Variants in TTLL3 observed in about 807,000 individuals in gnomAD.
TTLL3 encodes the protein tubulin tyrosine ligase like 3, also known as tubulin monoglycylase TTLL3.
Under a neutral mutation model 75.2 loss-of-function variants are expected in TTLL3, and 63 were observed. The ratio of observed to expected loss-of-function variants is 0.84; its 90% CI spans 0.68 to 1.03. The LOEUF (loss-of-function observed/expected upper bound fraction) is 1.03. TTLL3 is among the 50% of genes least tolerant of loss of function. The probability of loss-of-function intolerance (pLI) is 0.00; values close to 1 mark genes in which losing one functional copy is unlikely to be tolerated. For missense variants in TTLL3, 997 were observed against 1,069.9 expected, an observed-to-expected ratio of 0.93 and a Z score of 0.95; for synonymous variants, 393 against 418.5, an observed-to-expected ratio of 0.94 and a Z score of 0.74.
At position 9,829,041 on chromosome 3, in the gene TTLL3, C is replaced by T. The variant is rs1456999537; in HGVS notation, c.1329C>T (p.Asn443=). The T allele has an allele frequency of 1.2e-6, 2 of 1,614,152 alleles. No homozygotes were observed. Among genetic ancestry groups the T allele is most frequent in the African/African-American group, 2.7e-5 (2 of 74,954 alleles). ...CHRHPLLPPD[N]MWSSQRFQAH... Reference sequence around the variant, plus strand: ...GGCATCCACTGCTTCCGCCAGACAACATGTGGTCTAGCCAGAGGTTCCAGG... The same window carrying T: ...GGCATCCACTGCTTCCGCCAGACAATATGTGGTCTAGCCAGAGGTTCCAGG... Residue 443 remains asparagine, a synonymous_variant, in exon 11 of 14, where the codon AAC becomes AAT. Transcript: ENST00000685419.
chr3:9,823,488 TG>T (rs1363607106), intron 8 of TTLL3, among the ~76,000 whole-genome samples: 1 of 38,162 alleles, frequency 2.6e-5, no homozygotes, highest in African/African-American at 8.7e-5. Context: ...ATTAAAATAC[TG>T]TTTTTTTTTT....
At chr3:9,828,725 C>T (rs143066598) in intron 10 of TTLL3, 145 of 579,606 alleles carry the variant, frequency 2.5e-4, no homozygotes, top group Admixed American at 7.4e-4. Flanking sequence ...CTTACTACTG[C>T]GGCCCCCGTA....
chr3:9,824,571 C>T (rs984273192), intron 8 of TTLL3, among the ~76,000 whole-genome samples: 3 of 151,410 alleles, frequency 2.0e-5, no homozygotes, highest in African/African-American at 2.4e-5. Flanking sequence ...CCACCACACC[C>T]GGCTAATTTT....
chr3:9,822,256 A>C (rs1267016572), intron 8 of TTLL3, among the ~76,000 whole-genome samples: 2 of 150,394 alleles, frequency 1.3e-5, no homozygotes, highest in Non-Finnish European at 3.0e-5. Context: ...TTTAGTAGAG[A>C]TGGGGTTTCA....
At chr3:9,820,412 A>G (rs2080299886) in intron 7 of TTLL3, 134 bp from the exon 8 acceptor site, 1 of 1,524,254 alleles carries the variant, frequency 6.6e-7, no homozygotes, top group Non-Finnish European at 8.8e-7. Flanking sequence ...GACACATCCC[A>G]GGGCAGTAGG....
chr3:9,823,555 G>A (rs6780456), intron 8 of TTLL3, among the ~76,000 whole-genome samples: 88,422 of 151,224 alleles, frequency 0.58, 26,938 homozygotes, highest in Non-Finnish European at 0.66. Flanking sequence ...TTCAAATTAC[G>A]CTCCTGTGTG....
chr3:9,833,575 C>A (rs544392465), intron 12 of TTLL3, among the ~76,000 whole-genome samples: 1 of 152,294 alleles, frequency 6.6e-6, no homozygotes, highest in South Asian at 2.1e-4. Flanking sequence ...TGTTCCAAGG[C>A]GATTTATTCC....
At chr3:9,825,777 C>A in intron 8 of TTLL3, 23 bp from the exon 9 acceptor site, 1 of 1,614,006 alleles carries the variant, frequency 6.2e-7, no homozygotes, top group South Asian at 1.1e-5. Flanking sequence ...CAGCCCTGCC[C>A]AAGTTCTATC....
rs3806672 is a variant in TTLL3, at chr3:9,817,772, C to G, written c.559+13C>G. 0.45 allele frequency: 729,176 copies of G among 1,613,776 alleles called. 174,002 individuals carry two copies. The highest frequency in any genetic ancestry group is 0.5 in the Non-Finnish European group (585,477 of 1,179,834). ...AAAGCCTTCATAGGTAAGGAGACCC[C>G]CAGCCCTATGCCTGAACCTCAGGCT... is the stretch of plus-strand genomic sequence containing the variant. On this transcript the variant is annotated intron_variant, in intron 6 of 13. Coordinates refer to ENST00000685419, the MANE Select transcript of TTLL3 (RefSeq NM_001387446.1).
chr3:9,822,711 A>G (rs180829943), intron 8 of TTLL3, among the ~76,000 whole-genome samples: 1 of 143,844 alleles, frequency 7.0e-6, no homozygotes, highest in African/African-American at 2.6e-5. Context: ...ATATACATAT[A>G]TCGTTGTATG....
chr3:9,833,575 C>T (rs544392465), intron 12 of TTLL3, among the ~76,000 whole-genome samples: 74 of 152,176 alleles, frequency 4.9e-4, no homozygotes, highest in Admixed American at 4.6e-3. Context: ...TGTTCCAAGG[C>T]GATTTATTCC....
rs772946004 is a variant in TTLL3, at chr3:9,818,645, G to T, written c.560-177G>T. On this transcript the variant is annotated intron_variant, in intron 6 of 13. Transcript: ENST00000685419. ...AGCCTCCCAAAGTGCTGGGATTACA[G>T]GCGTCAGCCACCGTGACCAGCCTGA... is the stretch of plus-strand genomic sequence containing the variant. The T allele has an allele frequency of 5.5e-6, 8 of 1,445,266 alleles. No homozygotes were observed. In the African/African-American group the frequency reaches 1.1e-4, roughly 21 times the overall value. 89.5% of individuals were successfully genotyped at this position (1,445,266 alleles called of 1,614,324 possible).
chr3:9,824,303 G>A (rs78592592), intron 8 of TTLL3, among the ~76,000 whole-genome samples: 3,085 of 152,318 alleles, frequency 0.02, 87 homozygotes, highest in African/African-American at 0.07. Flanking sequence ...ACCCCAAAAA[G>A]CACCTGTGGG....
At position 9,826,994 on chromosome 3, in the gene TTLL3, T is replaced by C. The variant is rs2081107020; in HGVS notation, c.1004-3T>C. On this transcript the variant is annotated splice_polypyrimidine_tract_variant and splice_region_variant and intron_variant, in intron 9 of 13. Coordinates refer to ENST00000685419, the MANE Select transcript of TTLL3 (RefSeq NM_001387446.1). ...AATCCCTGACTGCCCTCTTCCCCCG[T>C]AGGCATCATGTGCATGGACCACCTG... The C allele has an allele frequency of 1.9e-6, 3 of 1,614,120 alleles. No homozygotes were observed. Among genetic ancestry groups the C allele is most frequent in the Middle Eastern group, 3.3e-4 (2 of 6,062 alleles).
chr3:9,815,740 G>A (rs1157983509), intron 4 of TTLL3, among the ~76,000 whole-genome samples: 3 of 152,254 alleles, frequency 2.0e-5, no homozygotes, highest in African/African-American at 4.8e-5. Context: ...GGTTTGATGA[G>A]GCTAATGCCA....
chr3:9,832,753 G>A (rs2081679648), intron 11 of TTLL3, among the ~76,000 whole-genome samples: 1 of 152,202 alleles, frequency 6.6e-6, no homozygotes, highest in African/African-American at 2.4e-5. Flanking sequence ...CAAATTCTCT[G>A]TGCAGAGAAT....
chr3:9,835,948 G>T lies in TTLL3; in HGVS notation c.*459G>T. On this transcript the variant is annotated 3_prime_UTR_variant, in exon 14 of 14. Coordinates refer to ENST00000685419, the MANE Select transcript of TTLL3 (RefSeq NM_001387446.1). ...AAGTGTGGCACTGCTTAGTTGTAGTGGGTTGAACTGTGGTCCCCTGAAAAG... is the reference window on the plus strand; with the variant it reads ...AAGTGTGGCACTGCTTAGTTGTAGTTGGTTGAACTGTGGTCCCCTGAAAAG... 6.4e-6 allele frequency: 1 copy of T among 156,616 alleles called. No individual in the cohort carries two copies. The highest frequency in any genetic ancestry group is 1.4e-5 in the Non-Finnish European group (1 of 71,178). 9.7% of individuals were successfully genotyped at this position (156,616 alleles called of 1,614,324 possible). A position where few individuals can be genotyped will look rare whatever the true frequency, so the allele number is the denominator to read the frequency against.
chr3:9,819,132 G>A (rs751419086), intron 7 of TTLL3: 2 of 614,536 alleles, frequency 3.3e-6, no homozygotes, highest in Non-Finnish European at 5.6e-6. Context: ...CTGATCTACC[G>A]ATTCACCCAC....
At chr3:9,819,935 G>T in intron 7 of TTLL3, 1 of 985,914 alleles carries the variant, frequency 1.0e-6, no homozygotes, top group African/African-American at 1.7e-5. Flanking sequence ...GGCCTCAGTT[G>T]TATATCAGAA....
Sources: allele counts gnomAD v4.1 joint callset (sites outside exome capture counted in the v4.1 genomes callset), GRCh38; gene constraint gnomAD v4.1.1; transcripts MANE v1.5; gene names NCBI Gene and HGNC (gene_info 2026-07-23, HGNC 2026-07-21).